Variants in MTSS1 observed in about 807,000 individuals in gnomAD.
MTSS1 encodes protein MTSS 1.
Under a neutral mutation model 79.0 loss-of-function variants are expected in MTSS1, and 18 were observed. That is an observed-to-expected ratio of 0.23 (90% CI 0.16 to 0.34). The LOEUF (loss-of-function observed/expected upper bound fraction) is 0.34, where lower values mean the gene tolerates loss of function less well. MTSS1 is among the 10% of genes least tolerant of loss of function. The probability of loss-of-function intolerance (pLI) is 1.00; values close to 1 mark genes in which losing one functional copy is unlikely to be tolerated. For missense variants in MTSS1, 815 were observed against 986.2 expected (o/e 0.83, Z 2.33); for synonymous variants, 341 against 368.6 (o/e 0.93, Z 0.86).
chr8:124,638,519 C>A (rs1587490016), intron 3 of MTSS1, among the ~76,000 whole-genome samples: 1 of 152,178 alleles, frequency 6.6e-6, no homozygotes, highest in Non-Finnish European at 1.5e-5. Context: ...AAATTTCCTT[C>A]CCCGGCGGAG....
chr8:124,647,774 C>T (rs1023251509), intron 3 of MTSS1, among the ~76,000 whole-genome samples: 3 of 152,148 alleles, frequency 2.0e-5, no homozygotes, highest in African/African-American at 4.8e-5. Flanking sequence ...ACTATATAGA[C>T]GTATCCTTGA....
At chr8:124,600,724 T>G (rs1833641987) in intron 3 of MTSS1, among the ~76,000 whole-genome samples, 1 of 152,220 alleles carries the variant, frequency 6.6e-6, no homozygotes, top group African/African-American at 2.4e-5. Flanking sequence ...TCTAAGGAGC[T>G]GGCAAATCAG....
At chr8:124,556,620 G>A (rs1395948918) in intron 11 of MTSS1, 10 of 583,420 alleles carry the variant, frequency 1.7e-5, no homozygotes, top group Admixed American at 1.0e-4. Flanking sequence ...CCTTTTCCTC[G>A]TCTCTGCCCA....
At chr8:124,585,288 G>C (rs1830665312) in intron 5 of MTSS1, 127 bp from the exon 6 acceptor site, 1 of 696,348 alleles carries the variant, frequency 1.4e-6, no homozygotes, top group Non-Finnish European at 2.5e-6. Context: ...GGCTTTATCA[G>C]AATACAATAT....
intron 3 of MTSS1, among the ~76,000 whole-genome samples, chr8:124,608,455 C>T (rs1478613698): frequency 1.3e-5 from 2 of 152,278 alleles, no homozygotes; most frequent in South Asian, 2.1e-4. Context: ...TCGCCTCCTC[C>T]GACAAGGTCA....
intron 3 of MTSS1, among the ~76,000 whole-genome samples, chr8:124,600,240 ATT>A (rs143965103): frequency 6.7e-6 from 1 of 148,362 alleles, no homozygotes; most frequent in African/African-American, 2.5e-5. Context: ...ATTCGATGGC[ATT>A]TTTTTTTTGC....
chr8:124,652,484 A>G (rs1246063203), intron 3 of MTSS1, among the ~76,000 whole-genome samples: 1 of 152,166 alleles, frequency 6.6e-6, no homozygotes. Flanking sequence ...TCTTCTATAC[A>G]TTAACAATAC....
At chr8:124,623,608 T>G (rs1183550208) in intron 3 of MTSS1, among the ~76,000 whole-genome samples, 1 of 152,116 alleles carries the variant, frequency 6.6e-6, no homozygotes, top group Non-Finnish European at 1.5e-5. Flanking sequence ...CCTGAAACAC[T>G]GAAGGATCTT....
chr8:124,555,230 G>A (rs901792013), intron 13 of MTSS1, among the ~76,000 whole-genome samples: 1 of 152,224 alleles, frequency 6.6e-6, no homozygotes, highest in East Asian at 1.9e-4. Flanking sequence ...AGCTGTGAAA[G>A]TCCAGATCCC....
intron 3 of MTSS1, among the ~76,000 whole-genome samples, chr8:124,595,551 T>C (rs1367542746): frequency 1.3e-5 from 2 of 152,172 alleles, no homozygotes; most frequent in African/African-American, 2.4e-5. Flanking sequence ...TGTCCTTACA[T>C]CTTCTCTCTC....
rs137964432 is a variant in MTSS1 at position 124,553,428 on chromosome 8, A to G, written c.1832T>C (p.Ile611Thr). 1.0e-5 allele frequency: 16 copies of G among 1,606,632 alleles called. No individual in the cohort carries two copies. The highest frequency in any genetic ancestry group is 1.2e-5 in the Non-Finnish European group (14 of 1,175,092). ...RGTIGAGPIPIKTPVIPVKTP... is the reference protein window; with the variant it reads ...RGTIGAGPIPTKTPVIPVKTP... ...CTTGACAGGGATCACGGGTGTCTTG[A>G]TGGGGATGGGACCAGCTCCAATGGT... The change falls in exon 14 of 14, where the codon ATC becomes ACC. Residue 611 changes from isoleucine to threonine, a missense_variant. This residue lies in a region of MTSS1 where 590 missense variants were observed against 620.8 expected (regional missense o/e 0.95). Transcript: ENST00000518547. This position sits in a 1 kb window ranked among gnomAD's most constrained non-coding sequence, Gnocchi z 6.0.
At chr8:124,601,130 C>T (rs915904402) in intron 3 of MTSS1, among the ~76,000 whole-genome samples, 68 of 147,764 alleles carry the variant, frequency 4.6e-4, no homozygotes, top group African/African-American at 1.6e-3. Context: ...GCGTGACCTC[C>T]GCTCACTGCA....
chr8:124,579,246 G>A (rs1319616986), intron 6 of MTSS1, among the ~76,000 whole-genome samples: 5 of 152,198 alleles, frequency 3.3e-5, no homozygotes, highest in Non-Finnish European at 7.3e-5. Context: ...TCAAGGGACT[G>A]TGTCCTCAAA....
rs774435613 is a variant in MTSS1, at chr8:124,557,864, C to T, written c.1047G>A (p.Gly349=). The change falls in exon 11 of 14, where the codon GGG becomes GGA. Residue 349 remains glycine (G), a synonymous_variant. Coordinates refer to ENST00000518547, the MANE Select transcript of MTSS1 (RefSeq NM_014751.6). ...CACTTGATAAACTATAGTGAGAAAACCCGTTAGACAACTGGAAACAAACAA... is the reference window on the plus strand; with the variant it reads ...CACTTGATAAACTATAGTGAGAAAATCCGTTAGACAACTGGAAACAAACAA... ...PPEAPNQLSN[G]FSHYSLSSES... is the part of the protein sequence containing the mutation. 1.3e-6 allele frequency: 2 copies of T among 1,591,926 alleles called. No homozygotes were observed. Among genetic ancestry groups the T allele is most frequent in the Non-Finnish European group, 1.7e-6 (2 of 1,169,190 alleles).
chr8:124,685,605 T>C (rs1247810299), intron 3 of MTSS1, among the ~76,000 whole-genome samples: 1 of 152,060 alleles, frequency 6.6e-6, no homozygotes, highest in Non-Finnish European at 1.5e-5. Context: ...CGAGTGTGTG[T>C]GATGCAGGAG....
At chr8:124,594,322 G>C (rs1332470040) in intron 3 of MTSS1, among the ~76,000 whole-genome samples, 1 of 152,320 alleles carries the variant, frequency 6.6e-6, no homozygotes, top group Middle Eastern at 3.4e-3. Flanking sequence ...CCTGAGGTCA[G>C]GAGTTCGAGA....
intron 12 of MTSS1, 72 bp from the exon 13 acceptor site, chr8:124,555,976 C>T (rs763304664): frequency 4.1e-5 from 64 of 1,575,472 alleles, no homozygotes; most frequent in East Asian, 6.9e-5. Flanking sequence ...GTTCTGCCCC[C>T]GTGAGCACTA....
At chr8:124,625,969 T>C (rs1305915027) in intron 3 of MTSS1, among the ~76,000 whole-genome samples, 2 of 152,026 alleles carry the variant, frequency 1.3e-5, no homozygotes, top group Non-Finnish European at 2.9e-5. Flanking sequence ...GTGACTTTAG[T>C]TTAAGCATAA....
intron 6 of MTSS1, chr8:124,580,675 G>A: frequency 7.7e-7 from 1 of 1,301,238 alleles, no homozygotes; most frequent in Non-Finnish European, 1.1e-6. Flanking sequence ...TGTTTCATGT[G>A]TTAAACAGTC....
Sources: allele counts gnomAD v4.1 joint callset (sites outside exome capture counted in the v4.1 genomes callset), GRCh38; gene constraint gnomAD v4.1.1; regional missense constraint gnomAD v4.1.1; non-coding constraint Gnocchi (gnomAD v3.1); transcripts MANE v1.5; gene names NCBI Gene and HGNC (gene_info 2026-07-23, HGNC 2026-07-21).